Variants in RAPGEF1 observed in about 807,000 individuals in gnomAD.
The protein encoded by RAPGEF1 is Rap guanine nucleotide exchange factor 1, also known as CRK SH3-binding GNRP.
A neutral mutation model predicts 143.3 loss-of-function variants in RAPGEF1; 33 were observed. The observed-to-expected ratio is 0.23, with a 90% CI of 0.17 to 0.31. RAPGEF1 has a LOEUF of 0.31. RAPGEF1 is among the 10% of genes least tolerant of loss of function. RAPGEF1 has a pLI of 1.00. For missense variants in RAPGEF1, 1,199 were observed against 1,645.4 expected (o/e 0.73, Z 4.69); for synonymous variants, 629 against 676.5 (o/e 0.93, Z 1.09).
intron 1 of RAPGEF1, among the ~76,000 whole-genome samples, chr9:131,682,263 G>A (rs762021683): frequency 6.6e-6 from 1 of 152,344 alleles, no homozygotes; most frequent in African/African-American, 2.4e-5. Flanking sequence ...GAAAACATTG[G>A]GCTAATCAGT....
chr9:131,715,348 G>A (rs1209605716), intron 1 of RAPGEF1, among the ~76,000 whole-genome samples: 1 of 152,160 alleles, frequency 6.6e-6, no homozygotes, highest in African/African-American at 2.4e-5. Flanking sequence ...TGAAGGATGA[G>A]CAGAGCTGGA....
In RAPGEF1 at chr9:131,598,240, C is replaced by A; in HGVS notation, c.2572G>T (p.Asp858Tyr). ...AGCCTGGACATAATTTCGTTGTGGT[C>A]AATGAGGGACAGCTCGTCCACTTCC... ...EEEVDELSLI[D>Y]HNEIMSRLTL... Residue 858 changes from aspartate to tyrosine, a missense_variant, in exon 16 of 27, where the codon GAC (aspartate) becomes TAC (tyrosine). Physicochemically the swap from Asp to Tyr is radical, Grantham distance 160. Transcript: ENST00000683357. 1.9e-6 allele frequency: 3 copies of A among 1,614,018 alleles called. No individual in the cohort carries two copies. Among genetic ancestry groups the A allele is most frequent in the Non-Finnish European group, 2.5e-6 (3 of 1,179,894 alleles).
At chr9:131,685,172 T>C (rs552071503) in intron 1 of RAPGEF1, among the ~76,000 whole-genome samples, 1 of 152,248 alleles carries the variant, frequency 6.6e-6, no homozygotes, top group African/African-American at 2.4e-5. Context: ...ATTTCAATGA[T>C]GATTGTGCTT....
chr9:131,600,071 G>A (rs898904086), intron 15 of RAPGEF1, among the ~76,000 whole-genome samples: 1 of 151,904 alleles, frequency 6.6e-6, no homozygotes, highest in African/African-American at 2.4e-5. Context: ...AGCCGAGATC[G>A]CACCACTGCA....
intron 1 of RAPGEF1, among the ~76,000 whole-genome samples, chr9:131,685,702 G>A (rs1034413157): frequency 6.6e-6 from 1 of 152,152 alleles, no homozygotes. Context: ...AGCTCTGAAG[G>A]CTGTGAGACC....
At chr9:131,626,685 T>C (rs4740171) in intron 9 of RAPGEF1, among the ~76,000 whole-genome samples, 131,647 of 152,272 alleles carry the variant, frequency 0.86, 57,112 homozygotes, top group African/African-American at 0.93. Flanking sequence ...TTACGGAAAC[T>C]GTGGCAAATT....
rs576511495 is a variant in RAPGEF1, at chr9:131,666,441, C to T, written c.62-15492G>A. ...TTACTCTGTCCCCCAGACTGGAGTG[C>T]AGTGGCAAGATCTCAGCTCACTGCA... On this transcript the variant is annotated intron_variant, in intron 1 of 26. Transcript: ENST00000683357. Among the ~76,000 whole-genome samples the T allele has an allele frequency of 1.8e-4, 28 of 152,024 alleles. No individual in the cohort carries two copies. The South Asian group carries it at 5.6e-3, about 30-fold the overall frequency.
chr9:131,599,914 T>C (rs577961057), intron 15 of RAPGEF1, among the ~76,000 whole-genome samples: 4 of 152,098 alleles, frequency 2.6e-5, no homozygotes, highest in Non-Finnish European at 5.9e-5. Flanking sequence ...AGTCAGGAGT[T>C]CGAGACCAGC....
rs771618026 is a variant in RAPGEF1 at position 131,700,447 on chromosome 9, ATAT to A, written c.61+39320_61+39322del. On this transcript the variant is annotated intron_variant, in intron 1 of 26. Coordinates refer to ENST00000683357, the MANE Select transcript of RAPGEF1 (RefSeq NM_001377935.1). ...TGATACCTGTCATCCAAAAGCCTACATATTATACTTGTTCATATGTAAACTAAA... is the reference window on the plus strand; with the variant it reads ...TGATACCTGTCATCCAAAAGCCTACATATACTTGTTCATATGTAAACTAAA... 3.3e-5 allele frequency among the ~76,000 whole-genome samples: 5 copies of A among 152,186 alleles called. No individual in the cohort carries two copies. The East Asian group carries it at 5.8e-4, about 18-fold the overall frequency.
chr9:131,627,495 C>T (rs556629276), intron 9 of RAPGEF1, among the ~76,000 whole-genome samples: 57 of 152,272 alleles, frequency 3.7e-4, no homozygotes, highest in Non-Finnish European at 6.0e-4. Context: ...CGGAGGGGCC[C>T]GCACAGTACA....
intron 1 of RAPGEF1, among the ~76,000 whole-genome samples, chr9:131,699,472 G>A (rs1589045070): frequency 6.6e-6 from 1 of 152,148 alleles, no homozygotes; most frequent in African/African-American, 2.4e-5. Context: ...TCAAACTCCC[G>A]ACCTTAGGTG....
intron 1 of RAPGEF1, among the ~76,000 whole-genome samples, chr9:131,708,678 C>T (rs1437804335): frequency 2.0e-5 from 3 of 152,140 alleles, no homozygotes; most frequent in Non-Finnish European, 2.9e-5. Flanking sequence ...CAAAAAATAT[C>T]ACAAAAGCCT....
At chr9:131,625,880 T>C in intron 10 of RAPGEF1, 42 bp downstream of exon 10, 1 of 1,510,236 alleles carries the variant, frequency 6.6e-7, no homozygotes, top group Non-Finnish European at 8.9e-7. Flanking sequence ...CCATTTCAGG[T>C]TATAAAATGC....
Position 131,739,945 on chromosome 9 carries a change from G to C in RAPGEF1, c.-115C>G, listed in dbSNP as rs1404449901. The stretch of plus-strand genomic sequence containing the variant: ...GGCATGGCGGGCTCCGCGCGGCCGC[G>C]GCCCTGCGCTCGGCGACCGCGCTCC... On this transcript the variant is annotated 5_prime_UTR_variant, in exon 1 of 27. Coordinates refer to ENST00000683357, the MANE Select transcript of RAPGEF1 (RefSeq NM_001377935.1). 2 of 567,992 alleles carry C rather than the reference G, an allele frequency of 3.5e-6. No individual in the cohort carries two copies. The highest frequency in any genetic ancestry group is 4.1e-5 in the African/African-American group (2 of 48,444). The allele number at this position is 567,992 out of a possible 1,614,324, so 35.2% of individuals were successfully genotyped here. A position where few individuals can be genotyped will look rare whatever the true frequency, so the allele number is the denominator to read the frequency against.
At chr9:131,592,365 A>G (rs1306496070) in intron 17 of RAPGEF1, among the ~76,000 whole-genome samples, 182 bp from the exon 18 acceptor site, 1 of 152,162 alleles carries the variant, frequency 6.6e-6, no homozygotes, top group Non-Finnish European at 1.5e-5. Flanking sequence ...GTCCCAGAGA[A>G]GTCACACGTC....
intron 1 of RAPGEF1, among the ~76,000 whole-genome samples, chr9:131,716,568 C>A (rs1436064462): frequency 6.6e-6 from 1 of 152,182 alleles, no homozygotes. Context: ...GCGTTTGAGA[C>A]CTGCCTGGGC....
chr9:131,661,767 T>C (rs1974164659), intron 1 of RAPGEF1, among the ~76,000 whole-genome samples: 1 of 152,222 alleles, frequency 6.6e-6, no homozygotes, highest in African/African-American at 2.4e-5. Flanking sequence ...CCAGAATGAG[T>C]ATCTTCCCTA....
Position 131,590,191 on chromosome 9 carries a change from C to T in RAPGEF1, c.2775-213G>A, listed in dbSNP as rs539188469. On this transcript the variant is annotated intron_variant, in intron 18 of 26. Transcript: ENST00000683357. The stretch of plus-strand genomic sequence containing the variant: ...AGGCGTCTGTCCCCAGGGATGCCCC[C>T]GGCTGCTGCCCTCTCCTCCCTGCCA... 3.9e-5 allele frequency among the ~76,000 whole-genome samples: 6 copies of T among 152,290 alleles called. No homozygotes were observed. In the East Asian group the frequency reaches 1.2e-3, roughly 29 times the overall value.
intron 12 of RAPGEF1, among the ~76,000 whole-genome samples, chr9:131,615,134 G>T (rs559411532): frequency 6.6e-6 from 1 of 152,176 alleles, no homozygotes; most frequent in Non-Finnish European, 1.5e-5. Flanking sequence ...GCGCAGTGGC[G>T]CGATCTCCAC....
Sources: allele counts gnomAD v4.1 joint callset (sites outside exome capture counted in the v4.1 genomes callset), GRCh38; gene constraint gnomAD v4.1.1; transcripts MANE v1.5; gene names NCBI Gene and HGNC (gene_info 2026-07-23, HGNC 2026-07-21).